Variants in C8A observed in about 807,000 individuals in gnomAD.
The protein encoded by C8A is complement C8 alpha chain, also known as complement component C8 alpha chain.
A neutral mutation model predicts 65.3 loss-of-function variants in C8A; 67 were observed. That is an observed-to-expected ratio of 1.03 (90% CI 0.84 to 1.26). The LOEUF (loss-of-function observed/expected upper bound fraction) is 1.26. Among genes scored for constraint, C8A ranks in the 50% most tolerant of loss-of-function variants. C8A has a pLI of 0.00. For synonymous variants in C8A, 290 were observed against 259.4 expected, an observed-to-expected ratio of 1.12 and a Z score of -1.13; for missense variants, 781 against 723.9, an observed-to-expected ratio of 1.08 and a Z score of -0.90.
At chr1:56,908,696 C>A (rs928519874) in intron 9 of C8A, among the ~76,000 whole-genome samples, 1 of 152,142 alleles carries the variant, frequency 6.6e-6, no homozygotes, top group Non-Finnish European at 1.5e-5. Flanking sequence ...ATTAGAGGAA[C>A]CTCTGTCATA....
chr1:56,858,134 C>T (rs1357408826), intron 1 of C8A, among the ~76,000 whole-genome samples: 1 of 152,092 alleles, frequency 6.6e-6, no homozygotes, highest in Non-Finnish European at 1.5e-5. Context: ...TAATTCTCCT[C>T]AAATATTGGA....
At chr1:56,899,603 G>C (rs115260714) in intron 7 of C8A, among the ~76,000 whole-genome samples, 6,766 of 152,182 alleles carry the variant, frequency 0.044, 332 homozygotes, top group South Asian at 0.13. Flanking sequence ...TCGCTCCTGG[G>C]CTAACCACTT....
chr1:56,911,042 T>A (rs527612619), intron 9 of C8A, among the ~76,000 whole-genome samples: 4 of 148,354 alleles, frequency 2.7e-5, no homozygotes, highest in South Asian at 4.4e-4. Context: ...TAACCACATA[T>A]GCATGCAATT....
intron 1 of C8A, 114 bp from the exon 2 acceptor site, chr1:56,867,495 T>C (rs1644102121): frequency 2.7e-6 from 2 of 753,656 alleles, no homozygotes; most frequent in South Asian, 1.5e-5. Flanking sequence ...ACAATAAATG[T>C]TCATTCCTCA....
At chr1:56,867,032 A>G (rs1471864904) in intron 1 of C8A, among the ~76,000 whole-genome samples, 1 of 150,868 alleles carries the variant, frequency 6.6e-6, no homozygotes, top group Non-Finnish European at 1.5e-5. Flanking sequence ...TAGATCTAAT[A>G]ATATTTATCT....
chr1:56,911,423 C>T (rs578006477), intron 9 of C8A, among the ~76,000 whole-genome samples: 191 of 152,290 alleles, frequency 1.3e-3, no homozygotes, highest in African/African-American at 4.1e-3. Context: ...ATCACACAGT[C>T]GGAAGCAGGG....
intron 1 of C8A, among the ~76,000 whole-genome samples, chr1:56,858,959 G>C (rs914347323): frequency 2.0e-5 from 3 of 152,092 alleles, no homozygotes; most frequent in African/African-American, 7.2e-5. Flanking sequence ...ATATTTCTTA[G>C]AGTTCTTGTC....
intron 1 of C8A, among the ~76,000 whole-genome samples, chr1:56,867,170 G>GT (rs918325519): frequency 1.3e-5 from 2 of 152,084 alleles, no homozygotes; most frequent in African/African-American, 4.8e-5. Context: ...TTTAGGTAAT[G>GT]TTTTTTAATG....
In C8A at chr1:56,912,541, G is replaced by T. The variant is rs1474339382; in HGVS notation, c.1519G>T (p.Val507Leu). 3.1e-6 allele frequency: 5 copies of T among 1,614,212 alleles called. No homozygotes were observed. In the South Asian group the frequency reaches 3.3e-5, roughly 11 times the overall value. Residue 507 changes from valine (V) to leucine (L), a missense_variant, in exon 10 of 11, where the codon GTG becomes TTG. Val to Leu is a conservative substitution (Grantham distance 32). Transcript: ENST00000361249. Reference sequence around the variant, plus strand: ...ATGTGGGCCTTGCTTCAACAATGGGGTGCCCATCCTCGAGGGCACCAGCTG... The same window carrying T: ...ATGTGGGCCTTGCTTCAACAATGGGTTGCCCATCCTCGAGGGCACCAGCTG... ...CRCGPCFNNGVPILEGTSCRC... is the reference protein window; with the variant it reads ...CRCGPCFNNGLPILEGTSCRC...
At chr1:56,875,188 C>G (rs1644186675) in intron 3 of C8A, 95 bp downstream of exon 3, 1 of 1,399,348 alleles carries the variant, frequency 7.1e-7, no homozygotes. Context: ...TACTCCTGAG[C>G]CCTTCCTCTC....
chr1:56,870,670 C>T (rs1488123660), intron 2 of C8A, among the ~76,000 whole-genome samples: 1 of 151,474 alleles, frequency 6.6e-6, no homozygotes, highest in East Asian at 1.9e-4. Context: ...GTTATATATC[C>T]TAAATTAAAT....
chr1:56,902,411 C>T (rs1239734206), intron 7 of C8A, among the ~76,000 whole-genome samples: 4 of 152,096 alleles, frequency 2.6e-5, no homozygotes, highest in African/African-American at 7.2e-5. Flanking sequence ...TATCCTTAGT[C>T]GCCTCTAATA....
At chr1:56,867,226 T>A (rs549047981) in intron 1 of C8A, among the ~76,000 whole-genome samples, 2 of 152,226 alleles carry the variant, frequency 1.3e-5, no homozygotes, top group Admixed American at 1.3e-4. Context: ...ATTAAGTAAT[T>A]TACTCAAGTT....
intron 4 of C8A, among the ~76,000 whole-genome samples, chr1:56,879,205 T>C (rs1557702744): frequency 6.6e-6 from 1 of 152,212 alleles, no homozygotes; most frequent in African/African-American, 2.4e-5. Flanking sequence ...TCCTCATCTA[T>C]AGTATAATTA....
intron 7 of C8A, among the ~76,000 whole-genome samples, chr1:56,903,922 C>G (rs1285521082): frequency 6.6e-6 from 1 of 152,218 alleles, no homozygotes; most frequent in Non-Finnish European, 1.5e-5. Context: ...CCAGAGCTCA[C>G]TGAGTTCAAA....
chr1:56,915,112 C>G (rs918153888), intron 10 of C8A, among the ~76,000 whole-genome samples: 1 of 152,150 alleles, frequency 6.6e-6, no homozygotes, highest in Non-Finnish European at 1.5e-5. Context: ...TTTTAATAAG[C>G]AAAAGAAGAG....
At chr1:56,885,676 C>T (rs570532832) in intron 6 of C8A, among the ~76,000 whole-genome samples, 4 of 150,892 alleles carry the variant, frequency 2.7e-5, no homozygotes, top group South Asian at 2.1e-4. Flanking sequence ...CTCAGCTTCC[C>T]GAGTAGCTGG....
chr1:56,906,554 G>A, intron 7 of C8A, 113 bp from the exon 8 acceptor site: 1 of 1,227,230 alleles, frequency 8.1e-7, no homozygotes, highest in Non-Finnish European at 1.2e-6. Context: ...TTTCAACCCA[G>A]GCCTTTTGGA....
chr1:56,878,570 G>C (rs1644221274), intron 4 of C8A, among the ~76,000 whole-genome samples: 1 of 152,130 alleles, frequency 6.6e-6, no homozygotes. Flanking sequence ...ACTGATGTTT[G>C]ATGGTTCTTC....
Sources: allele counts gnomAD v4.1 joint callset (sites outside exome capture counted in the v4.1 genomes callset), GRCh38; gene constraint gnomAD v4.1.1; transcripts MANE v1.5; gene names NCBI Gene and HGNC (gene_info 2026-07-23, HGNC 2026-07-21).